CASD1: variants seen among roughly 807,000 people sequenced by gnomAD.
The protein encoded by CASD1 is N-acetylneuraminate (7)9-O-acetyltransferase.
CASD1 carries 41 observed loss-of-function variants against 100.0 expected under a neutral mutation model. The observed-to-expected ratio is 0.41, with a 90% confidence interval of 0.32 to 0.53. The LOEUF (loss-of-function observed/expected upper bound fraction) is 0.53. CASD1 is among the 20% of genes least tolerant of loss of function. The pLI, the probability that CASD1 is intolerant of heterozygous loss-of-function variation, is 0.25. For synonymous variants in CASD1, 321 were observed against 315.6 expected, an observed-to-expected ratio of 1.02 and a Z score of -0.18; for missense variants, 774 against 948.7, an observed-to-expected ratio of 0.82 and a Z score of 2.42.
At position 94,510,162 on chromosome 7, in the gene CASD1, G is replaced by A; in HGVS notation, c.78G>A (p.Ala26=). Residue 26 remains alanine, a synonymous_variant, in exon 1 of 18, where the codon GCG becomes GCA. Transcript: ENST00000297273. ...GCGTGAGGAGCGCCAAGGTGCTGGC[G>A]CTGGTGGCCGTGCTGCTGCTCGCAG... ...YFSVRSAKVL[A]LVAVLLLAAC... 3 of 1,526,292 alleles carry A rather than the reference G, an allele frequency of 2.0e-6. No homozygotes were observed. The highest frequency in any genetic ancestry group is 2.1e-5 in the Admixed American group (1 of 48,522). The allele number at this position is 1,526,292 out of a possible 1,614,324, so 94.5% of individuals were successfully genotyped here.
chr7:94,520,910 G>C (rs1026717156), intron 3 of CASD1, among the ~76,000 whole-genome samples: 2 of 152,096 alleles, frequency 1.3e-5, no homozygotes, highest in South Asian at 2.1e-4. Flanking sequence ...TGGCCAACAC[G>C]GTGAAACCCC....
the CASD1 span, chr7:94,599,993 A>C: frequency 3.0e-6 from 1 of 331,154 alleles, no homozygotes; most frequent in African/African-American, 2.1e-5. Flanking sequence ...ACATAATGAA[A>C]TCAAGCTACA....
intron 1 of CASD1, among the ~76,000 whole-genome samples, chr7:94,512,664 T>G (rs1304135833): frequency 6.6e-6 from 1 of 152,198 alleles, no homozygotes; most frequent in East Asian, 1.9e-4. Flanking sequence ...TTCTATGAGG[T>G]AGATACAATT....
At chr7:94,600,733 A>G in the CASD1 span, 2 of 1,613,862 alleles carry the variant, frequency 1.2e-6, no homozygotes, top group South Asian at 1.1e-5. Context: ...TGTAATTAGG[A>G]AATCCGTGTA....
At chr7:94,594,743 T>C in the CASD1 span, among the ~76,000 whole-genome samples, 1 of 152,104 alleles carries the variant, frequency 6.6e-6, no homozygotes, top group Non-Finnish European at 1.5e-5. Context: ...TTCCTGTACC[T>C]CTACAATCAT....
the CASD1 span, among the ~76,000 whole-genome samples, chr7:94,572,181 C>A: frequency 6.6e-6 from 1 of 152,144 alleles, no homozygotes; most frequent in Non-Finnish European, 1.5e-5. Flanking sequence ...TACTGGGACT[C>A]TCTAGATTTC....
At chr7:94,601,254 G>A in the CASD1 span, among the ~76,000 whole-genome samples, 1 of 151,400 alleles carries the variant, frequency 6.6e-6, no homozygotes, top group South Asian at 2.1e-4. Context: ...CCTAAAACTG[G>A]CTGAAAACCA....
At chr7:94,615,642 C>A in the CASD1 span, among the ~76,000 whole-genome samples, 1 of 152,104 alleles carries the variant, frequency 6.6e-6, no homozygotes, top group African/African-American at 2.4e-5. Flanking sequence ...AAATAGGATT[C>A]TCTGTTGTTG....
the CASD1 span, chr7:94,603,397 C>T: frequency 1.2e-6 from 2 of 1,613,238 alleles, no homozygotes; most frequent in Non-Finnish European, 1.7e-6. Context: ...TGTGGATTTT[C>T]AACTTCTCGT....
chr7:94,558,226 A>G (rs558883606), downstream of CASD1, among the ~76,000 whole-genome samples: 4 of 152,292 alleles, frequency 2.6e-5, no homozygotes, highest in East Asian at 7.7e-4. Flanking sequence ...ACCCAAGTTC[A>G]TTTATTATTC....
chr7:94,629,692 G>C, the CASD1 span: 1 of 1,608,616 alleles, frequency 6.2e-7, no homozygotes, highest in Admixed American at 1.7e-5. Context: ...TACGTTAACT[G>C]CTTTTTTTTC....
chr7:94,617,893 A>G, the CASD1 span: 1 of 152,230 alleles, frequency 6.6e-6, no homozygotes, highest in Non-Finnish European at 1.5e-5. Context: ...TCTAGATATC[A>G]CCTGTATAAA....
the CASD1 span, among the ~76,000 whole-genome samples, chr7:94,578,818 C>T: frequency 6.6e-6 from 1 of 152,122 alleles, no homozygotes; most frequent in African/African-American, 2.4e-5. Context: ...CATTACATTG[C>T]CTTTGGGTCT....
the CASD1 span, among the ~76,000 whole-genome samples, chr7:94,605,731 CTA>C: frequency 2.0e-5 from 3 of 151,726 alleles, no homozygotes; most frequent in African/African-American, 7.3e-5. Flanking sequence ...TCAATGAAAA[CTA>C]TAAAAAGTGG....
chr7:94,573,884 T>G, the CASD1 span, among the ~76,000 whole-genome samples: 1 of 152,212 alleles, frequency 6.6e-6, no homozygotes, highest in East Asian at 1.9e-4. Context: ...ATGGCTCTCA[T>G]TATTTTGAAG....
At chr7:94,582,057 TTAA>T in the CASD1 span, among the ~76,000 whole-genome samples, 2 of 152,196 alleles carry the variant, frequency 1.3e-5, no homozygotes. Flanking sequence ...GACTTTTTTT[TTAA>T]TAATAGCCAT....
At chr7:94,527,100 G>A (rs1311711332) in intron 3 of CASD1, 62 bp from the exon 4 acceptor site, 1 of 1,238,192 alleles carries the variant, frequency 8.1e-7, no homozygotes, top group Non-Finnish European at 1.2e-6. Flanking sequence ...GCAGCTAAAT[G>A]GGGCATTTTT....
chr7:94,563,366 A>T, the CASD1 span, among the ~76,000 whole-genome samples: 1 of 152,194 alleles, frequency 6.6e-6, no homozygotes, highest in East Asian at 1.9e-4. Context: ...ATAGCTAAGG[A>T]ATTTGAGGAA....
At chr7:94,595,481 T>G in the CASD1 span, among the ~76,000 whole-genome samples, 2 of 152,140 alleles carry the variant, frequency 1.3e-5, no homozygotes, top group Admixed American at 1.3e-4. Flanking sequence ...GTACACTTAG[T>G]ATGAATGTGA....
Sources: allele counts gnomAD v4.1 joint callset (sites outside exome capture counted in the v4.1 genomes callset), GRCh38; gene constraint gnomAD v4.1.1; transcripts MANE v1.5; gene names NCBI Gene and HGNC (gene_info 2026-07-23, HGNC 2026-07-21).